Variants in ARHGEF40 observed in about 807,000 individuals in gnomAD.
The protein encoded by ARHGEF40 is Rho guanine nucleotide exchange factor (GEF) 40.
In ARHGEF40, 98 loss-of-function variants were observed where a neutral mutation model predicts 165.9. The ratio of observed to expected loss-of-function variants is 0.59; its 90% CI spans 0.50 to 0.70. ARHGEF40 has a LOEUF of 0.70. Among genes scored for constraint, ARHGEF40 ranks in the 30% least tolerant of loss-of-function variants. ARHGEF40 has a pLI of 0.00. For missense variants in ARHGEF40, 1,815 were observed against 1,968.0 expected, an observed-to-expected ratio of 0.92 and a Z score of 1.47; for synonymous variants, 792 against 814.3, an observed-to-expected ratio of 0.97 and a Z score of 0.47.
chr14:21,083,687 G>A, intron 16 of ARHGEF40, 148 bp from the exon 17 acceptor site: 1 of 658,670 alleles, frequency 1.5e-6, no homozygotes, highest in Non-Finnish European at 2.5e-6. Context: ...TTCTTTCCAG[G>A]GAGAATGGTT....
chr14:21,067,624 G>T (rs894992840), upstream of ARHGEF40, among the ~76,000 whole-genome samples: 3 of 152,150 alleles, frequency 2.0e-5, no homozygotes, highest in African/African-American at 7.2e-5. Context: ...GTGAAATATG[G>T]TAAGAACTGT....
chr14:21,068,138 T>C (rs1422986016), upstream of ARHGEF40, among the ~76,000 whole-genome samples: 22 of 49,048 alleles, frequency 4.5e-4, 10 homozygotes, highest in Middle Eastern at 0.015. Flanking sequence ...TAGCTGGGAC[T>C]ACAGGCGCCC....
chr14:21,066,669 G>A (rs920772605), upstream of ARHGEF40, among the ~76,000 whole-genome samples: 1 of 152,164 alleles, frequency 6.6e-6, no homozygotes, highest in Non-Finnish European at 1.5e-5. Flanking sequence ...CTCTGGCTAT[G>A]GTGCAGAGAA....
chr14:21,070,290 G>T (rs1038467352), upstream of ARHGEF40: 60 of 1,212,990 alleles, frequency 4.9e-5, no homozygotes, highest in African/African-American at 8.9e-4. This position sits in a 1 kb window ranked among gnomAD's most constrained non-coding sequence, Gnocchi z 4.7. Context: ...CGCGGCCGGA[G>T]CTGTCCCTTA....
chr14:21,082,994 G>A, intron 16 of ARHGEF40, 77 bp downstream of exon 16: 1 of 1,358,460 alleles, frequency 7.4e-7, no homozygotes, highest in Non-Finnish European at 1.0e-6. Flanking sequence ...AAATCCCTCA[G>A]GGCAAAAAAC....
Position 21,078,234 on chromosome 14 carries a change from A to G in ARHGEF40, c.2092A>G (p.Ile698Val), listed in dbSNP as rs1887585833. 3.1e-6 allele frequency: 5 copies of G among 1,613,994 alleles called. No individual in the cohort carries two copies. Among genetic ancestry groups the G allele is most frequent in the East Asian group, 2.2e-5 (1 of 44,856 alleles). ...TGTGCTGGGCTCGGTACGGCAGGCCATTGAGGAGCTGGAGGGAGCAGCAGA... is the reference window on the plus strand; with the variant it reads ...TGTGCTGGGCTCGGTACGGCAGGCCGTTGAGGAGCTGGAGGGAGCAGCAGA... ...QGVLGSVRQA[I>V]EELEGAAEPE... Residue 698 changes from isoleucine to valine, a missense_variant, in exon 9 of 24, where the codon ATT becomes GTT. Physicochemically the swap from Ile to Val is conservative, Grantham distance 29. Coordinates refer to ENST00000298694, the MANE Select transcript of ARHGEF40 (RefSeq NM_018071.5).
intron 1 of ARHGEF40, among the ~76,000 whole-genome samples, chr14:21,071,069 C>T (rs552512090): frequency 2.6e-5 from 4 of 152,256 alleles, no homozygotes; most frequent in Non-Finnish European, 5.9e-5. Context: ...GAGGAAAGTG[C>T]CCCAGAGCTC....
At chr14:21,065,503 A>G (rs1475056101), upstream of ARHGEF40, among the ~76,000 whole-genome samples, 1 of 152,218 alleles carries the variant, frequency 6.6e-6, no homozygotes, top group African/African-American at 2.4e-5. Context: ...TTTAAATTAT[A>G]TGTGGTAGAA....
the ARHGEF40 span, among the ~76,000 whole-genome samples, chr14:21,061,450 T>C: frequency 6.6e-6 from 1 of 152,138 alleles, no homozygotes; most frequent in Non-Finnish European, 1.5e-5. Context: ...CTAGGGGTCA[T>C]GGGCTGTAAA....
intron 17 of ARHGEF40, 50 bp from the exon 18 acceptor site, chr14:21,084,703 T>TACAA: frequency 6.3e-7 from 1 of 1,575,334 alleles, no homozygotes; most frequent in Non-Finnish European, 8.6e-7. Flanking sequence ...CCCTGTAAAA[T>TACAA]ACAAACAAAG....
At chr14:21,068,030 C>G (rs988676091), upstream of ARHGEF40, among the ~76,000 whole-genome samples, 4 of 7,578 alleles carry the variant, frequency 5.3e-4, 1 homozygote, top group Admixed American at 0.012. Flanking sequence ...GACGGAGTCT[C>G]GCTCTGTCGC....
intron 16 of ARHGEF40, 68 bp downstream of exon 16, chr14:21,082,985 A>C: frequency 1.4e-6 from 2 of 1,429,208 alleles, no homozygotes; most frequent in Non-Finnish European, 2.0e-6. Context: ...CCACCCAACA[A>C]ATCCCTCAGG....
rs1427061605 is a variant in ARHGEF40, at chr14:21,082,834, G to A, written c.3490G>A (p.Asp1164Asn). The change falls in exon 16 of 24, where the codon GAC becomes AAC. Residue 1164 changes from aspartate (D) to asparagine (N), a missense_variant. Transcript: ENST00000298694. ...RIGACFLRHG[D>N]QFSLYAQYVK... is the part of the protein sequence containing the mutation. ...TATCTGTTCTTTACTGGCACAGGGG[G>A]ACCAGTTCAGCCTTTATGCACAGTA... 1 of 1,613,980 alleles carries A rather than the reference G, an allele frequency of 6.2e-7. No individual in the cohort carries two copies. The highest frequency in any genetic ancestry group is 2.2e-5 in the East Asian group (1 of 44,894).
At chr14:21,081,092 C>T (rs2139244355) in intron 13 of ARHGEF40, 76 bp downstream of exon 13, 2 of 1,537,264 alleles carry the variant, frequency 1.3e-6, no homozygotes, top group Non-Finnish European at 1.8e-6. Context: ...AGAGGCTAAT[C>T]AAGTTGTTAA....
intron 19 of ARHGEF40, 63 bp from the exon 20 acceptor site, chr14:21,086,938 T>C (rs1317937868): frequency 8.4e-7 from 1 of 1,184,270 alleles, no homozygotes; most frequent in Non-Finnish European, 1.2e-6. Context: ...AAATCAACCA[T>C]GACATGCTAG....
At chr14:21,066,559 C>T (rs72671112), upstream of ARHGEF40, among the ~76,000 whole-genome samples, 51,665 of 152,142 alleles carry the variant, frequency 0.34, 10,819 homozygotes, top group East Asian at 0.47. Flanking sequence ...TGGTGTTGCT[C>T]TCTTGACCAC....
At chr14:21,083,412 T>C (rs919387662) in intron 16 of ARHGEF40, among the ~76,000 whole-genome samples, 4 of 149,246 alleles carry the variant, frequency 2.7e-5, no homozygotes, top group Non-Finnish European at 5.9e-5. Context: ...TAGCCAGGCG[T>C]GGTGGCGGGC....
At chr14:21,066,569 C>T (rs4981354), upstream of ARHGEF40, among the ~76,000 whole-genome samples, 124,768 of 152,086 alleles carry the variant, frequency 0.82, 51,400 homozygotes, top group Admixed American at 0.88. Flanking sequence ...CTCTTGACCA[C>T]GTGATCCACC....
At position 21,088,827 on chromosome 14, in the gene ARHGEF40, C is replaced by T; in HGVS notation, c.4519-3C>T. On this transcript the variant is annotated splice_region_variant and splice_polypyrimidine_tract_variant and intron_variant, in intron 22 of 23. Transcript: ENST00000298694. Reference sequence around the variant, plus strand: ...AAATTCACTGTAGCTTCTCTCCCCCCAGAGTCATGCTCGAGCCCTGAGTGA... The same window carrying T: ...AAATTCACTGTAGCTTCTCTCCCCCTAGAGTCATGCTCGAGCCCTGAGTGA... The T allele has an allele frequency of 6.2e-7, 1 of 1,611,862 alleles. No individual in the cohort carries two copies. The highest frequency in any genetic ancestry group is 8.5e-7 in the Non-Finnish European group (1 of 1,178,484).
Sources: gnomAD v4.1 joint callset for allele counts (sites outside exome capture counted in the v4.1 genomes callset) on GRCh38, gnomAD v4.1.1 for gene constraint, Gnocchi (gnomAD v3.1) non-coding constraint, MANE v1.5 for transcripts, NCBI Gene and HGNC (gene_info 2026-07-23, HGNC 2026-07-21) for gene names.